Variants in RTL1 observed in about 807,000 individuals in gnomAD.
The protein encoded by RTL1 is retrotransposon Gag like 1, also known as retrotransposon-like protein 1.
For missense variants in RTL1, 1,681 were observed against 1,767.5 expected, an observed-to-expected ratio of 0.95 and a Z score of 0.88; for synonymous variants, 727 against 748.4, an observed-to-expected ratio of 0.97 and a Z score of 0.47.
chr14:100,884,116 G>A lies in RTL1; in HGVS notation c.673C>T (p.Gln225Ter), dbSNP rs2038662337. 1.3e-6 allele frequency: 2 copies of A among 1,551,726 alleles called. No homozygotes were observed. Among genetic ancestry groups the A allele is most frequent in the Non-Finnish European group, 1.7e-6 (2 of 1,147,000 alleles). ...EFIVLCQLTL[Q>*]SYPRMFYNDR... ...TTATAGAACATTCTTGGGTAGCTCT[G>A]TAAGGTCAGTTGGCAGAGTACGATG... Residue 225 changes from glutamine to a stop codon, truncating the protein, a stop_gained, in exon 4 of 4, where the codon CAG becomes TAG. Transcript: ENST00000649591. LOFTEE classifies it low-confidence loss of function (END_TRUNC).
In RTL1 at chr14:100,883,782, T is replaced by A. The variant is rs1372606374; in HGVS notation, c.1007A>T (p.His336Leu). Residue 336 changes from histidine (H) to leucine (L), a missense_variant, in exon 4 of 4, where the codon CAC (histidine) becomes CTC (leucine). Physicochemically the swap from His to Leu is moderately conservative, Grantham distance 99 (BLOSUM62 -3). Coordinates refer to ENST00000649591, the MANE Select transcript of RTL1 (RefSeq NM_001134888.3). The surrounding 1 kb of genome is among the most constrained non-coding windows in gnomAD (Gnocchi z 5.9). ...CGGCTGAGGGACCCGGAATAGATAG[T>A]GCCTGATCTCCTCGTTGAGCCCCTG... ...LCQGLNEEIR[H>L]YLFRVPQPDS... 1 of 1,551,650 alleles carries A rather than the reference T, an allele frequency of 6.4e-7. No individual in the cohort carries two copies. The highest frequency in any genetic ancestry group is 2.4e-5 in the East Asian group (1 of 40,914).
chr14:100,885,293 C>G (rs868599352), intron 3 of RTL1, among the ~76,000 whole-genome samples: 1 of 152,202 alleles, frequency 6.6e-6, no homozygotes, highest in African/African-American at 2.4e-5. Flanking sequence ...CACATCTCAG[C>G]ACCATCCAAA....
rs558515742 is a variant in RTL1 at position 100,884,102 on chromosome 14, T to C, written c.687A>G (p.Arg229=). 15 of 1,551,648 alleles carry C rather than the reference T, an allele frequency of 9.7e-6. No homozygotes were observed. The African/African-American group carries it at 1.8e-4, about 18-fold the overall frequency. Residue 229 remains arginine (R), a synonymous_variant, in exon 4 of 4, where the codon AGA becomes AGG. Coordinates refer to ENST00000649591, the MANE Select transcript of RTL1 (RefSeq NM_001134888.3). ...CTCTCAGACGGTCGTTATAGAACAT[T>C]CTTGGGTAGCTCTGTAAGGTCAGTT... The part of the protein sequence containing the change: ...LCQLTLQSYP[R]MFYNDRLRVG...
chr14:100,894,175 T>G (rs940719632), intron 2 of RTL1, among the ~76,000 whole-genome samples: 3 of 151,814 alleles, frequency 2.0e-5, no homozygotes, highest in Non-Finnish European at 4.4e-5. Context: ...CTGGGTGTGG[T>G]GGCGTGCGCC....
At chr14:100,885,800 TG>T (rs1436004345) in intron 3 of RTL1, among the ~76,000 whole-genome samples, 4 of 152,184 alleles carry the variant, frequency 2.6e-5, no homozygotes, top group African/African-American at 9.6e-5. Flanking sequence ...CAAGCATATC[TG>T]CACGCCTCTC....
chr14:100,883,883 A>T lies in RTL1; in HGVS notation c.906T>A (p.Thr302=). The change falls in exon 4 of 4, where the codon ACT becomes ACA. Residue 302 remains threonine (T), a synonymous_variant. Transcript: ENST00000649591. The surrounding 1 kb of genome is among the most constrained non-coding windows in gnomAD (Gnocchi z 5.9). ...GGCTCTGGAACTCATCGATGTACTC[A>T]GTGGCAGAGCGGCCGCCCTGCCTGA... ...FTIRQGGRSA[T]EYIDEFQSLV... 6.4e-7 allele frequency: 1 copy of T among 1,551,588 alleles called. No individual in the cohort carries two copies. The highest frequency in any genetic ancestry group is 2.4e-5 in the East Asian group (1 of 40,906).
In RTL1 at chr14:100,882,797, T is replaced by G; in HGVS notation, c.1992A>C (p.Thr664=). ...CAATGGTCCCACGCAGCTCCAGTTT[T>G]GTGAACCACTCGGCTCCGTGTAACT... ...FDQLHGAEWF[T]KLELRGTIVE... Residue 664 remains threonine, a synonymous_variant, in exon 4 of 4, where the codon ACA becomes ACC. Coordinates refer to ENST00000649591, the MANE Select transcript of RTL1 (RefSeq NM_001134888.3). The G allele has an allele frequency of 6.4e-7, 1 of 1,551,898 alleles. No individual in the cohort carries two copies. The highest frequency in any genetic ancestry group is 8.7e-7 in the Non-Finnish European group (1 of 1,147,046).
chr14:100,886,309 T>C (rs2038697681), intron 3 of RTL1, among the ~76,000 whole-genome samples: 1 of 152,202 alleles, frequency 6.6e-6, no homozygotes, highest in South Asian at 2.1e-4. Context: ...ATCTGCTGTT[T>C]CTCAAAATTA....
Position 100,903,655 on chromosome 14 carries a change from G to A in RTL1, c.-295C>T, listed in dbSNP as rs373996777. 6.6e-6 allele frequency among the ~76,000 whole-genome samples: 1 copy of A among 152,148 alleles called. No homozygotes were observed. Among genetic ancestry groups the A allele is most frequent in the East Asian group, 1.9e-4 (1 of 5,178 alleles). ...GCCAGGATGGAACCCCAGACTCTCC[G>A]AGGCTCCCCACCACACCCTGCTGCT... On this transcript the variant is annotated 5_prime_UTR_variant, in exon 1 of 4. Coordinates refer to ENST00000649591, the MANE Select transcript of RTL1 (RefSeq NM_001134888.3).
intron 2 of RTL1, among the ~76,000 whole-genome samples, chr14:100,901,223 C>T (rs1295194455): frequency 2.6e-5 from 4 of 152,258 alleles, no homozygotes; most frequent in East Asian, 1.9e-4. Flanking sequence ...TCTCTGCCCC[C>T]GAGGACCTTG....
chr14:100,901,073 G>A (rs1189924041), intron 2 of RTL1, among the ~76,000 whole-genome samples: 2 of 152,182 alleles, frequency 1.3e-5, no homozygotes, highest in Non-Finnish European at 2.9e-5. Flanking sequence ...GCCCCCCCAC[G>A]GCGGGTCGGA....
chr14:100,889,329 T>C lies in RTL1; in HGVS notation c.-87+4115A>G, dbSNP rs115664045. ...TCATGTCCTCAACATAAAATCTAAA[T>C]GCCTGAGCATGAAATGAAAATTGGA... On this transcript the variant is annotated intron_variant, in intron 3 of 3. Coordinates refer to ENST00000649591, the MANE Select transcript of RTL1 (RefSeq NM_001134888.3). Among the ~76,000 whole-genome samples, 1,316 of 152,324 alleles carry C rather than the reference T, an allele frequency of 8.6e-3. 20 individuals carry two copies. The highest frequency in any genetic ancestry group is 0.031 in the African/African-American group (1,281 of 41,560).
intron 2 of RTL1, chr14:100,897,676 C>A: frequency 5.7e-6 from 1 of 176,192 alleles, no homozygotes; most frequent in Non-Finnish European, 1.2e-5. Flanking sequence ...CAGTATCCTG[C>A]GAGCTGTACA....
Position 100,881,629 on chromosome 14 carries a change from T to G in RTL1, c.3160A>C (p.Ile1054Leu), listed in dbSNP as rs2038615079. ...CTGTTGAGGATCTGGTCGATGGGTA[T>G]CATGGCCAGCAGCTCTTGCCGTAGG... The part of the protein sequence containing the change: ...QILRQELLAM[I>L]PIDQILNSFL... Residue 1054 changes from isoleucine to leucine, a missense_variant, in exon 4 of 4, where the codon ATA becomes CTA. Transcript: ENST00000649591. The surrounding 1 kb of genome is among the most constrained non-coding windows in gnomAD (Gnocchi z 6.6). 1 of 1,551,854 alleles carries G rather than the reference T, an allele frequency of 6.4e-7. No individual in the cohort carries two copies. Among genetic ancestry groups the G allele is most frequent in the East Asian group, 2.4e-5 (1 of 40,914 alleles).
chr14:100,885,715 A>G (rs1250218039), intron 3 of RTL1, among the ~76,000 whole-genome samples: 2 of 151,668 alleles, frequency 1.3e-5, no homozygotes, highest in African/African-American at 2.4e-5. Context: ...TCTTCCTACA[A>G]TCTCCACTCT....
In RTL1 at chr14:100,880,706, G is replaced by T. The variant is rs2038594350; in HGVS notation, c.*6C>A. On this transcript the variant is annotated 3_prime_UTR_variant, in exon 4 of 4. Coordinates refer to ENST00000649591, the MANE Select transcript of RTL1 (RefSeq NM_001134888.3). ...GGGACTCTTTGCTGGAGACAGGGAG[G>T]CGTCTTCAGTCGAGGTTAGCATCTT... The T allele has an allele frequency of 1.9e-6, 3 of 1,550,776 alleles. No individual in the cohort carries two copies. Among genetic ancestry groups the T allele is most frequent in the Non-Finnish European group, 2.6e-6 (3 of 1,146,938 alleles).
intron 2 of RTL1, among the ~76,000 whole-genome samples, chr14:100,900,340 T>C (rs1307688371): frequency 6.6e-6 from 1 of 152,246 alleles, no homozygotes; most frequent in East Asian, 1.9e-4. Context: ...AGTGGAAGCA[T>C]GACTTGCACG....
intron 2 of RTL1, among the ~76,000 whole-genome samples, chr14:100,895,190 G>A (rs1347070195): frequency 1.3e-5 from 2 of 152,152 alleles, no homozygotes; most frequent in African/African-American, 4.8e-5. Context: ...AACCAAGGGC[G>A]GTGTTAAAGT....
intron 3 of RTL1, among the ~76,000 whole-genome samples, chr14:100,890,453 G>GA (rs2038757782): frequency 6.6e-6 from 1 of 151,620 alleles, no homozygotes; most frequent in Non-Finnish European, 1.5e-5. Flanking sequence ...CTGGGGCGGG[G>GA]GGCCGGGGTG....
Sources: allele counts gnomAD v4.1 joint callset (sites outside exome capture counted in the v4.1 genomes callset), GRCh38; gene constraint gnomAD v4.1.1; non-coding constraint Gnocchi (gnomAD v3.1); transcripts MANE v1.5; gene names NCBI Gene and HGNC (gene_info 2026-07-23, HGNC 2026-07-21).